Variants in CHLSN observed in about 807,000 individuals in gnomAD.
CHLSN encodes protein cholesin.
chr7:1,136,308 A>G, the CHLSN span, among the ~76,000 whole-genome samples: 14 of 117,262 alleles, frequency 1.2e-4, no homozygotes, highest in Admixed American at 2.0e-4. Context: ...ACATATATAA[A>G]TATATATAAA....
At chr7:1,017,119 C>T in the CHLSN span, among the ~76,000 whole-genome samples, 1 of 152,232 alleles carries the variant, frequency 6.6e-6, no homozygotes, top group African/African-American at 2.4e-5. Context: ...GTCTGAGGGC[C>T]ACGCGGGCCC....
At chr7:1,038,564 G>A in the CHLSN span, among the ~76,000 whole-genome samples, 43 of 98,722 alleles carry the variant, frequency 4.4e-4, no homozygotes, top group Non-Finnish European at 6.1e-4. Context: ...CAGCCGCCCC[G>A]TCCGGGAGGT....
At chr7:1,106,149 C>T in the CHLSN span, among the ~76,000 whole-genome samples, 4 of 152,270 alleles carry the variant, frequency 2.6e-5, no homozygotes, top group East Asian at 1.9e-4. Flanking sequence ...CGCTGCTCAC[C>T]GCTCCCATCC....
the CHLSN span, chr7:986,334 C>T: frequency 6.3e-6 from 3 of 479,790 alleles, no homozygotes; most frequent in African/African-American, 6.0e-5. Context: ...ACAGGAGGTT[C>T]AAGGTTACTT....
chr7:990,965 C>T, the CHLSN span, among the ~76,000 whole-genome samples: 1 of 152,066 alleles, frequency 6.6e-6, no homozygotes, highest in Non-Finnish European at 1.5e-5. Flanking sequence ...CCTCCCAACC[C>T]TACAGGGGAC....
the CHLSN span, among the ~76,000 whole-genome samples, chr7:1,007,745 C>T: frequency 2.6e-5 from 4 of 152,148 alleles, no homozygotes; most frequent in Non-Finnish European, 4.4e-5. Context: ...CAGGACTTGC[C>T]GCTGGGGGGT....
chr7:1,009,092 C>T, the CHLSN span, among the ~76,000 whole-genome samples: 4 of 152,264 alleles, frequency 2.6e-5, no homozygotes, highest in South Asian at 4.1e-4. Flanking sequence ...ACGCAGGCCC[C>T]GCTGCTCATT....
chr7:1,018,308 C>T, the CHLSN span, among the ~76,000 whole-genome samples: 44 of 152,278 alleles, frequency 2.9e-4, no homozygotes, highest in Admixed American at 2.2e-3. Context: ...AACGAAAGCA[C>T]GTCTTTCTTC....
At chr7:1,008,992 CACAT>C in the CHLSN span, among the ~76,000 whole-genome samples, 42 of 61,194 alleles carry the variant, frequency 6.9e-4, 1 homozygote, top group Middle Eastern at 0.023. Flanking sequence ...CATGCGAACA[CACAT>C]ACACGCACAC....
At chr7:1,040,690 CAA>C in the CHLSN span, among the ~76,000 whole-genome samples, 17,014 of 145,330 alleles carry the variant, frequency 0.12, 1,267 homozygotes, top group Middle Eastern at 0.24. Context: ...TTAAAAAGAA[CAA>C]AAAAAAAAAA....
At chr7:1,136,248 AAT>A in the CHLSN span, among the ~76,000 whole-genome samples, 12 of 118,244 alleles carry the variant, frequency 1.0e-4, no homozygotes, top group South Asian at 1.6e-3. Flanking sequence ...AATATATATA[AAT>A]ATATATAAAC....
At chr7:1,083,356 G>A in the CHLSN span, among the ~76,000 whole-genome samples, 1 of 152,196 alleles carries the variant, frequency 6.6e-6, no homozygotes, top group African/African-American at 2.4e-5. Context: ...CGGGCGCGGT[G>A]GCTCAAGCCT....
chr7:1,092,614 C>T, the CHLSN span: 3 of 1,612,046 alleles, frequency 1.9e-6, no homozygotes, highest in African/African-American at 4.0e-5. Flanking sequence ...TCCCTGCAAG[C>T]AGTCTTTCCG....
the CHLSN span, chr7:986,914 C>CT: frequency 3.2e-5 from 42 of 1,326,442 alleles, no homozygotes; most frequent in African/African-American, 6.0e-5. Context: ...TACCTCCTGG[C>CT]TGGGGGCCTC....
the CHLSN span, among the ~76,000 whole-genome samples, chr7:1,136,860 C>A: frequency 1.3e-5 from 2 of 151,986 alleles, no homozygotes; most frequent in Non-Finnish European, 2.9e-5. Context: ...CTTGGTCCAT[C>A]CATAAATCCT....
chr7:1,115,301 G>A, the CHLSN span, among the ~76,000 whole-genome samples: 7,217 of 152,284 alleles, frequency 0.047, 581 homozygotes, highest in African/African-American at 0.16. Context: ...AAACGGCCCC[G>A]GCCCTGCCAC....
chr7:1,123,279 C>T, the CHLSN span, among the ~76,000 whole-genome samples: 15 of 152,216 alleles, frequency 9.9e-5, no homozygotes, highest in Non-Finnish European at 1.6e-4. The surrounding 1 kb of genome is among the most constrained non-coding windows in gnomAD (Gnocchi z 4.4). Context: ...CACTTGGGGA[C>T]GTGGCGGCGA....
At chr7:1,053,647 G>C in the CHLSN span, among the ~76,000 whole-genome samples, 1 of 152,190 alleles carries the variant, frequency 6.6e-6, no homozygotes, top group African/African-American at 2.4e-5. Flanking sequence ...GGCCAACATG[G>C]AGAAACCTTG....
At chr7:1,000,117 G>A in the CHLSN span, among the ~76,000 whole-genome samples, 1 of 152,358 alleles carries the variant, frequency 6.6e-6, no homozygotes, top group East Asian at 1.9e-4. Context: ...GGCTCCTGGA[G>A]GAGGCAACGC....
Sources: gnomAD v4.1 joint callset for allele counts (sites outside exome capture counted in the v4.1 genomes callset) on GRCh38, gnomAD v4.1.1 for gene constraint, Gnocchi (gnomAD v3.1) non-coding constraint, MANE v1.5 for transcripts, NCBI Gene and HGNC (gene_info 2026-07-23, HGNC 2026-07-21) for gene names.